GSG1L: variants seen among roughly 807,000 people sequenced by gnomAD.
GSG1L encodes GSG1 like.
A neutral mutation model predicts 42.1 loss-of-function variants in GSG1L; 24 were observed. The ratio of observed to expected loss-of-function variants is 0.57; its 90% CI spans 0.41 to 0.80. GSG1L has a LOEUF of 0.80. GSG1L is among the 30% of genes least tolerant of loss of function. The pLI is 0.00. For missense variants in GSG1L, 445 were observed against 472.2 expected, an observed-to-expected ratio of 0.94 and a Z score of 0.53; for synonymous variants, 215 against 203.5, an observed-to-expected ratio of 1.06 and a Z score of -0.48.
At chr16:27,962,019 A>G (rs1208684909) in intron 2 of GSG1L, among the ~76,000 whole-genome samples, 2 of 152,080 alleles carry the variant, frequency 1.3e-5, no homozygotes, top group African/African-American at 4.8e-5. Context: ...CCTGACTCCC[A>G]AGCCCAGAGC....
chr16:28,005,769 G>A (rs1251815879), intron 1 of GSG1L, among the ~76,000 whole-genome samples: 4 of 152,128 alleles, frequency 2.6e-5, no homozygotes, highest in Non-Finnish European at 5.9e-5. Context: ...ATAGAGACCG[G>A]CAGAATAAAG....
At chr16:27,971,222 T>C (rs919691395) in intron 1 of GSG1L, among the ~76,000 whole-genome samples, 2 of 152,210 alleles carry the variant, frequency 1.3e-5, no homozygotes, top group Non-Finnish European at 2.9e-5. Flanking sequence ...GAATCTGTAA[T>C]GGGACCAATT....
At chr16:27,873,940 A>T (rs191000188) in intron 3 of GSG1L, among the ~76,000 whole-genome samples, 19 of 152,300 alleles carry the variant, frequency 1.2e-4, no homozygotes, top group Non-Finnish European at 1.5e-5. Context: ...CAAATGCTTA[A>T]GGCATTAGTC....
intron 1 of GSG1L, among the ~76,000 whole-genome samples, chr16:27,968,202 A>G (rs2085156330): frequency 6.6e-6 from 1 of 152,042 alleles, no homozygotes; most frequent in Non-Finnish European, 1.5e-5. Context: ...CTAAAAGTTT[A>G]TATCTTCTTC....
intron 1 of GSG1L, among the ~76,000 whole-genome samples, chr16:28,018,762 C>T (rs1469590007): frequency 6.6e-6 from 1 of 152,016 alleles, no homozygotes; most frequent in African/African-American, 2.4e-5. Context: ...CCAGACCCCA[C>T]CTCACCTGGA....
intron 1 of GSG1L, among the ~76,000 whole-genome samples, chr16:28,006,250 T>C (rs117305597): frequency 0.012 from 1,816 of 152,290 alleles, 19 homozygotes; most frequent in Middle Eastern, 0.027. Flanking sequence ...CATTCACCCC[T>C]AGAGCCTCCG....
intron 1 of GSG1L, among the ~76,000 whole-genome samples, chr16:27,994,799 C>G (rs967931040): frequency 6.6e-6 from 1 of 152,172 alleles, no homozygotes; most frequent in African/African-American, 2.4e-5. Context: ...TGCTTCTAGG[C>G]CCACTCCAGG....
chr16:27,966,044 G>A (rs761479755), intron 1 of GSG1L, among the ~76,000 whole-genome samples: 14 of 152,040 alleles, frequency 9.2e-5, no homozygotes, highest in Non-Finnish European at 1.3e-4. Context: ...TAAACGTGCC[G>A]GGCATTCTCC....
chr16:27,849,194 T>TCCCC (rs148854172), intron 3 of GSG1L, among the ~76,000 whole-genome samples: 1,067 of 44,990 alleles, frequency 0.024, 34 homozygotes, highest in African/African-American at 0.095. Context: ...TGAGCCTCTA[T>TCCCC]CCCAAAAAGA....
chr16:27,816,765 G>A (rs2083098275), intron 5 of GSG1L, among the ~76,000 whole-genome samples: 1 of 152,166 alleles, frequency 6.6e-6, no homozygotes. Context: ...TTGTGGCAGG[G>A]CTGGGATCTG....
At chr16:27,905,019 T>C (rs904312187) in intron 2 of GSG1L, among the ~76,000 whole-genome samples, 2 of 152,216 alleles carry the variant, frequency 1.3e-5, no homozygotes, top group Non-Finnish European at 2.9e-5. Flanking sequence ...AAATTTCATT[T>C]TGAAAAAATA....
chr16:27,976,646 C>G (rs1015654992), intron 1 of GSG1L, among the ~76,000 whole-genome samples: 1 of 152,190 alleles, frequency 6.6e-6, no homozygotes, highest in Non-Finnish European at 1.5e-5. Flanking sequence ...CCACATTGAG[C>G]CTTACACCTG....
chr16:27,967,684 C>T (rs1244358199), intron 1 of GSG1L, among the ~76,000 whole-genome samples: 6 of 152,112 alleles, frequency 3.9e-5, no homozygotes, highest in Non-Finnish European at 8.8e-5. Flanking sequence ...TCAGCACTTT[C>T]GGAGGATCAC....
At chr16:27,814,968 C>T (rs1477197721) in intron 5 of GSG1L, among the ~76,000 whole-genome samples, 3 of 151,818 alleles carry the variant, frequency 2.0e-5, no homozygotes, top group Non-Finnish European at 2.9e-5. Context: ...TCCACTCTGT[C>T]ACCCAGGCTT....
At chr16:27,804,856 A>G (rs1423668035) in intron 6 of GSG1L, among the ~76,000 whole-genome samples, 1 of 9,716 alleles carries the variant, frequency 1.0e-4, no homozygotes, top group Non-Finnish European at 1.9e-4. Context: ...TGGGGACGGG[A>G]GAGGGCTGCA....
At chr16:27,850,800 C>CT (rs201380124) in intron 3 of GSG1L, among the ~76,000 whole-genome samples, 29,090 of 132,564 alleles carry the variant, frequency 0.22, 3,108 homozygotes, top group African/African-American at 0.35. Flanking sequence ...TATCATCTAC[C>CT]TTTTTTTTTT....
chr16:27,869,845 C>T (rs1351939584), intron 3 of GSG1L, among the ~76,000 whole-genome samples: 3 of 144,962 alleles, frequency 2.1e-5, no homozygotes, highest in African/African-American at 7.8e-5. Context: ...CCATCTCTCT[C>T]TCCATCTCTC....
intron 1 of GSG1L, among the ~76,000 whole-genome samples, chr16:27,969,695 A>G (rs557641272): frequency 2.0e-5 from 3 of 152,132 alleles, no homozygotes; most frequent in Non-Finnish European, 4.4e-5. Context: ...TGTGTGGACA[A>G]GTTTTTGTTT....
chr16:27,977,649 T>A (rs2085266558), intron 1 of GSG1L, among the ~76,000 whole-genome samples: 1 of 151,658 alleles, frequency 6.6e-6, no homozygotes, highest in South Asian at 2.1e-4. Context: ...AATCTTTTTT[T>A]AAACATTTTA....
Sources: allele counts gnomAD v4.1 joint callset (sites outside exome capture counted in the v4.1 genomes callset), GRCh38; gene constraint gnomAD v4.1.1; transcripts MANE v1.5; gene names NCBI Gene and HGNC (gene_info 2026-07-23, HGNC 2026-07-21).